The following GNAS variants were observed in gnomAD, a reference collection of about 807,000 sequenced individuals.
GNAS encodes GNAS complex locus, also known as protein ALEX.
In GNAS, 8 loss-of-function variants were observed where a neutral mutation model predicts 54.5. The observed-to-expected ratio is 0.15, with a 90% CI of 0.09 to 0.26. The LOEUF is 0.26. Among genes scored for constraint, GNAS ranks in the 10% least tolerant of loss-of-function variants. The pLI is 1.00. For synonymous variants in GNAS, 204 were observed against 191.4 expected, an observed-to-expected ratio of 1.07 and a Z score of -0.54; for missense variants, 170 against 529.8, an observed-to-expected ratio of 0.32 and a Z score of 6.67.
Position 58,841,560 on chromosome 20 carries a change from C to T in GNAS, c.43+674C>T, listed in dbSNP as rs762568289. On this transcript the variant is annotated intron_variant, in intron 1 of 12. Coordinates refer to the GNAS transcript ENST00000306090. This position sits in a 1 kb window ranked among gnomAD's most constrained non-coding sequence, Gnocchi z 5.0. The stretch of plus-strand genomic sequence containing the variant: ...GTGCGCCAGCCTTGGCCGCCACAGC[C>T]CGCCTCCCGTCGCTCGCGGGACAGA... The T allele has an allele frequency of 1.2e-3, 1,231 of 999,204 alleles. 1 individual carries two copies. The highest frequency in any genetic ancestry group is 1.4e-3 in the Non-Finnish European group (1,194 of 839,564). 61.9% of individuals were successfully genotyped at this position (999,204 alleles called of 1,614,324 possible).
At chr20:58,906,595 G>A (rs555800708) in intron 6 of GNAS, among the ~76,000 whole-genome samples, 1 of 152,082 alleles carries the variant, frequency 6.6e-6, no homozygotes, top group Non-Finnish European at 1.5e-5. Context: ...GCAGTGGTGC[G>A]ACCTTGGCTC....
At chr20:58,890,163 AAGG>A (rs1051282023), upstream of GNAS, among the ~76,000 whole-genome samples, 4 of 151,718 alleles carry the variant, frequency 2.6e-5, no homozygotes, top group Admixed American at 6.6e-5. Flanking sequence ...GGAGAAGAAG[AAGG>A]AGAAGGAGAG....
At chr20:58,859,020 C>T (rs1018134629) in intron 1 of GNAS, among the ~76,000 whole-genome samples, 1 of 152,120 alleles carries the variant, frequency 6.6e-6, no homozygotes, top group Non-Finnish European at 1.5e-5. Flanking sequence ...AAAATTTTCC[C>T]ATATAGGTAG....
At chr20:58,852,714 A>C (rs2086230288) in intron 1 of GNAS, 1 of 203,766 alleles carries the variant, frequency 4.9e-6, no homozygotes, top group Non-Finnish European at 1.0e-5. Context: ...AAGCGAGGAG[A>C]AAGACTCCAA....
At chr20:58,891,252 CGCCGCG>C (rs1368323190), upstream of GNAS, 8 of 149,072 alleles carry the variant, frequency 5.4e-5, no homozygotes, top group Admixed American at 3.3e-4. Flanking sequence ...CCGCCGCCGC[CGCCGCG>C]GCCGCTCCTC....
intron 1 of GNAS, among the ~76,000 whole-genome samples, chr20:58,883,307 C>G (rs773118740): frequency 2.0e-5 from 3 of 152,016 alleles, no homozygotes; most frequent in Admixed American, 1.3e-4. Context: ...TCAATTTTTT[C>G]GGTGTAATTA....
At chr20:58,901,951 T>G (rs904417905) in intron 3 of GNAS, among the ~76,000 whole-genome samples, 16 of 150,922 alleles carry the variant, frequency 1.1e-4, no homozygotes, top group Non-Finnish European at 1.8e-4. Context: ...CGTGTTCTAG[T>G]CTGGAGAGAT....
In GNAS at chr20:58,910,912, A is replaced by G. The variant is rs3198765; in HGVS notation, c.*83A>G. On this transcript the variant is annotated 3_prime_UTR_variant, in exon 13 of 13. Transcript: ENST00000371085. The surrounding 1 kb of genome is among the most constrained non-coding windows in gnomAD (Gnocchi z 5.8). Reference sequence around the variant, plus strand: ...TAATTGTACAAGCAGTTAATCACCCACCATAGGGCATGATTAACAAAGCAA... The same window carrying G: ...TAATTGTACAAGCAGTTAATCACCCGCCATAGGGCATGATTAACAAAGCAA... 4 of 1,329,532 alleles carry G rather than the reference A, an allele frequency of 3.0e-6. No homozygotes were observed. The Admixed American group carries it at 6.8e-5, about 23-fold the overall frequency. 82.4% of individuals were successfully genotyped at this position (1,329,532 alleles called of 1,614,324 possible).
chr20:58,908,939 T>A (rs940856936), intron 6 of GNAS: 12 of 659,668 alleles, frequency 1.8e-5, no homozygotes, highest in Non-Finnish European at 3.3e-5. Context: ...GTTCCCTGAT[T>A]CCTAAAATTA....
At chr20:58,883,390 C>CAGGCAG (rs989576443) in intron 1 of GNAS, among the ~76,000 whole-genome samples, 23 of 152,176 alleles carry the variant, frequency 1.5e-4, no homozygotes, top group Non-Finnish European at 2.5e-4. Flanking sequence ...TTCAAGAAAG[C>CAGGCAG]AGGCAGAGGC....
chr20:58,854,509 C>A, intron 1 of GNAS: 2 of 1,576,572 alleles, frequency 1.3e-6, no homozygotes, highest in African/African-American at 2.8e-5. Context: ...GACTCCGGGA[C>A]AGCACCAGCC....
At chr20:58,908,362 T>A (rs547668813) in intron 6 of GNAS, among the ~76,000 whole-genome samples, 1 of 152,330 alleles carries the variant, frequency 6.6e-6, no homozygotes, top group Admixed American at 6.5e-5. Context: ...GAGTGTTCTA[T>A]TTCATGGACC....
intron 1 of GNAS, among the ~76,000 whole-genome samples, chr20:58,894,637 T>A (rs2089873463): frequency 6.6e-6 from 1 of 152,248 alleles, no homozygotes; most frequent in African/African-American, 2.4e-5. Context: ...TCTAGCTTGA[T>A]GGAAATGTGT....
At chr20:58,845,006 C>T (rs367691546) in intron 1 of GNAS, among the ~76,000 whole-genome samples, 1 of 149,732 alleles carries the variant, frequency 6.7e-6, no homozygotes, top group South Asian at 2.2e-4. Flanking sequence ...ACTTAGCCAT[C>T]CTGAGAGTCG....
Position 58,909,431 on chromosome 20 carries a change from A to C in GNAS, c.659+8A>C, listed in dbSNP as rs1039565513. ...GGACAAAGTCAACTTCCAGTAAGCC[A>C]ACTGTTACCTTTTTATATAACAGAG... On this transcript the variant is annotated splice_region_variant and intron_variant, in intron 8 of 12. Coordinates refer to ENST00000371085, the MANE Select transcript of GNAS (RefSeq NM_000516.7). The surrounding 1 kb of genome is among the most constrained non-coding windows in gnomAD (Gnocchi z 7.3). 24 of 1,611,766 alleles carry C rather than the reference A, an allele frequency of 1.5e-5. No homozygotes were observed. The highest frequency in any genetic ancestry group is 2.0e-5 in the Non-Finnish European group (24 of 1,177,846).
Position 58,841,959 on chromosome 20 carries a change from T to G in GNAS, c.43+1073T>G. Reference sequence around the variant, plus strand: ...TACAATTCGTTTCCAAAGAGCGCGGTACGCGCAGAGCTGGGGAAAGGTGTT... The same window carrying G: ...TACAATTCGTTTCCAAAGAGCGCGGGACGCGCAGAGCTGGGGAAAGGTGTT... On this transcript the variant is annotated intron_variant, in intron 1 of 12. Transcript: ENST00000306090. This position sits in a 1 kb window ranked among gnomAD's most constrained non-coding sequence, Gnocchi z 5.0. 1.0e-5 allele frequency: 11 copies of G among 1,101,088 alleles called. No homozygotes were observed. Among genetic ancestry groups the G allele is most frequent in the Non-Finnish European group, 1.2e-5 (10 of 868,504 alleles). 68.2% of individuals were successfully genotyped at this position (1,101,088 alleles called of 1,614,324 possible). A position where few individuals can be genotyped will look rare whatever the true frequency, so the allele number is the denominator to read the frequency against.
At chr20:58,892,848 C>G (rs536660494) in intron 1 of GNAS, among the ~76,000 whole-genome samples, 122 of 151,326 alleles carry the variant, frequency 8.1e-4, no homozygotes, top group African/African-American at 2.8e-3. Context: ...AAAAGCAGAG[C>G]GGAGAATTAA....
chr20:58,884,813 T>C (rs76602912), intron 1 of GNAS: 2,693 of 152,346 alleles, frequency 0.018, 41 homozygotes, highest in Middle Eastern at 0.037. Context: ...CTCCATTAAG[T>C]GGGTCCATTG....
chr20:58,852,501 C>T (rs1483365631), intron 1 of GNAS, among the ~76,000 whole-genome samples: 1 of 152,154 alleles, frequency 6.6e-6, no homozygotes, highest in African/African-American at 2.4e-5. Context: ...GCTTGAGATC[C>T]GGGGCTGCCT....
Sources: gnomAD v4.1 joint callset for allele counts (sites outside exome capture counted in the v4.1 genomes callset) on GRCh38, gnomAD v4.1.1 for gene constraint, Gnocchi (gnomAD v3.1) non-coding constraint, MANE v1.5 for transcripts, NCBI Gene and HGNC (gene_info 2026-07-23, HGNC 2026-07-21) for gene names.